PCLO: variants seen among roughly 807,000 people sequenced by gnomAD.
PCLO encodes protein piccolo.
A neutral mutation model predicts 427.5 loss-of-function variants in PCLO; 82 were observed. The ratio of observed to expected loss-of-function variants is 0.19; its 90% CI spans 0.16 to 0.23. The LOEUF (loss-of-function observed/expected upper bound fraction) is 0.23. PCLO is among the 10% of genes least tolerant of loss of function. The pLI, the probability that PCLO is intolerant of heterozygous loss-of-function variation, is 1.00. For missense variants in PCLO, 6,239 were observed against 6,115.9 expected, an observed-to-expected ratio of 1.02 and a Z score of -0.67; for synonymous variants, 2,357 against 2,155.4, an observed-to-expected ratio of 1.09 and a Z score of -2.59.
chr7:83,116,509 T>C (rs564121387), intron 3 of PCLO, among the ~76,000 whole-genome samples: 29 of 152,304 alleles, frequency 1.9e-4, no homozygotes, highest in African/African-American at 5.8e-4. Context: ...TACTGAATTT[T>C]TAAAAATTCA....
intron 3 of PCLO, among the ~76,000 whole-genome samples, chr7:83,121,102 T>C (rs2116561202): frequency 6.6e-6 from 1 of 151,974 alleles, no homozygotes. Context: ...GCTAACAAGG[T>C]GAAACCCATC....
intron 3 of PCLO, among the ~76,000 whole-genome samples, chr7:83,051,560 T>G (rs1789255036): frequency 6.6e-6 from 1 of 152,176 alleles, no homozygotes; most frequent in African/African-American, 2.4e-5. Flanking sequence ...CTTCAAAAGA[T>G]CTGAATAAAT....
chr7:82,844,553 T>G (rs1358842414), intron 13 of PCLO, among the ~76,000 whole-genome samples: 1 of 152,112 alleles, frequency 6.6e-6, no homozygotes, highest in Admixed American at 6.6e-5. Flanking sequence ...TCTCACCACA[T>G]AAAGACAAAC....
At chr7:82,831,976 G>A (rs747100659) in intron 16 of PCLO, among the ~76,000 whole-genome samples, 2 of 152,134 alleles carry the variant, frequency 1.3e-5, no homozygotes, top group Non-Finnish European at 2.9e-5. Flanking sequence ...AGGTAGGCAG[G>A]TAAACAGGGG....
At chr7:83,070,951 T>G (rs1789799868) in intron 3 of PCLO, among the ~76,000 whole-genome samples, 1 of 152,168 alleles carries the variant, frequency 6.6e-6, no homozygotes. Flanking sequence ...ATGACTCCAG[T>G]GGACAAATGT....
chr7:82,895,408 A>AT (rs1417800228), intron 9 of PCLO, among the ~76,000 whole-genome samples: 1 of 151,942 alleles, frequency 6.6e-6, no homozygotes, highest in African/African-American at 2.4e-5. Flanking sequence ...TTTCACCTTA[A>AT]GAATCTAGGA....
rs149879954 is a variant in PCLO, at chr7:82,949,821, G to C, written c.10767C>G (p.Asp3589Glu). The change falls in exon 6 of 25, where the codon GAC (aspartate) becomes GAG (glutamate). Residue 3589 changes from aspartate to glutamate, a missense_variant. Asp to Glu is a conservative substitution (Grantham distance 45). Coordinates refer to ENST00000333891, the MANE Select transcript of PCLO (RefSeq NM_033026.6). ...TCTCTAAAGGTGTTGGGCGTTTCTT[G>C]TCTTTGGGTGGAGATGTGGCACTCA... ...QYLSATSPPK[D>E]KKRPTPLEIG... The C allele has an allele frequency of 3.9e-4, 625 of 1,613,818 alleles. 3 individuals are homozygous for C. In the African/African-American group the frequency reaches 6.6e-3, roughly 17 times the overall value.
intron 3 of PCLO, among the ~76,000 whole-genome samples, chr7:83,028,644 C>T (rs1328111940): frequency 1.3e-5 from 2 of 148,228 alleles, no homozygotes; most frequent in South Asian, 2.2e-4. Context: ...GAGCCCGCAT[C>T]GCCAAGTCAA....
Position 82,970,001 on chromosome 7 carries a change from G to A in PCLO, c.3301-3514C>T, listed in dbSNP as rs977600721. Among the ~76,000 whole-genome samples, 6 of 151,904 alleles carry A rather than the reference G, an allele frequency of 3.9e-5. No individual in the cohort carries two copies. The South Asian group carries it at 6.2e-4, about 16-fold the overall frequency. On this transcript the variant is annotated intron_variant, in intron 3 of 24. Coordinates refer to ENST00000333891, the MANE Select transcript of PCLO (RefSeq NM_033026.6). ...GAAATGAAAATATCTATTCAGATTC[G>A]ATAGCAATCAGTCAAAATGTAAATA...
At chr7:82,830,964 T>C (rs924036472) in intron 16 of PCLO, among the ~76,000 whole-genome samples, 2 of 152,086 alleles carry the variant, frequency 1.3e-5, no homozygotes, top group Admixed American at 1.3e-4. Flanking sequence ...GAATTGTAGA[T>C]GTCTATCAAC....
rs992844653 is a variant in PCLO, at chr7:82,949,741, G to A, written c.10847C>T (p.Pro3616Leu). The change falls in exon 6 of 25, where the codon CCA becomes CTA. Residue 3616 changes from proline (P) to leucine (L), a missense_variant. By Grantham distance (98) the Pro-to-Leu change is moderately conservative. Transcript: ENST00000333891. ...ADSTVQLAPS[P>L]PKSPKVLYSP... ...GTAAAGGACTTTGGGGGATTTGGGT[G>A]GGGAAGGAGCCAGCTGTACTGTGGA... 1 of 1,613,668 alleles carries A rather than the reference G, an allele frequency of 6.2e-7. No homozygotes were observed. Among genetic ancestry groups the A allele is most frequent in the African/African-American group, 1.3e-5 (1 of 74,864 alleles).
chr7:82,758,719 G>GA lies in PCLO; in HGVS notation c.15289-5dup, dbSNP rs779490171. 22 of 1,551,002 alleles carry GA rather than the reference G, an allele frequency of 1.4e-5. No individual in the cohort carries two copies. The highest frequency in any genetic ancestry group is 2.7e-5 in the African/African-American group (2 of 72,810). Reference sequence around the variant, plus strand: ...CTCCATTGGAGAAAAGTAAAATCTAGAAAAAATAGGCAAAAATAAACATAT... The same window carrying GA: ...CTCCATTGGAGAAAAGTAAAATCTAGAAAAAAATAGGCAAAAATAAACATAT... On this transcript the variant is annotated splice_region_variant and splice_polypyrimidine_tract_variant and intron_variant, in intron 24 of 24. Transcript: ENST00000333891.
rs538497634 is a variant in PCLO at position 83,002,575 on chromosome 7, C to A, written c.3301-36088G>T. ...TTAAATGAGAATTCTAAAGAATTTA[C>A]AAAATTCTTTATTATTAACCACTCC... On this transcript the variant is annotated intron_variant, in intron 3 of 24. Transcript: ENST00000333891. 6.2e-4 allele frequency among the ~76,000 whole-genome samples: 94 copies of A among 151,858 alleles called. 1 individual carries two copies. The South Asian group carries it at 9.8e-3, about 16-fold the overall frequency.
At chr7:82,785,858 T>C (rs780753535) in intron 22 of PCLO, among the ~76,000 whole-genome samples, 1 of 151,980 alleles carries the variant, frequency 6.6e-6, no homozygotes, top group Non-Finnish European at 1.5e-5. Context: ...TATAACCAGA[T>C]GTAAATTGGG....
At chr7:83,018,393 T>A (rs1025269912) in intron 3 of PCLO, among the ~76,000 whole-genome samples, 3 of 151,990 alleles carry the variant, frequency 2.0e-5, no homozygotes, top group African/African-American at 7.2e-5. Flanking sequence ...TGTGATACAT[T>A]TCCTGCTTTT....
rs147764582 is a variant in PCLO at position 83,039,048 on chromosome 7, C to A, written c.3301-72561G>T. Among the ~76,000 whole-genome samples the A allele has an allele frequency of 2.2e-4, 34 of 152,004 alleles. No individual in the cohort carries two copies. In the East Asian group the frequency reaches 6.6e-3, roughly 29 times the overall value. ...CTCTGGAGAAATGTCTATTTAGAGC[C>A]TTTGCTCATTTTTGAGTGGGTTGTC... On this transcript the variant is annotated intron_variant, in intron 3 of 24. Coordinates refer to ENST00000333891, the MANE Select transcript of PCLO (RefSeq NM_033026.6).
Position 82,827,879 on chromosome 7 carries a change from C to T in PCLO, c.14337G>A (p.Met4779Ile), listed in dbSNP as rs746355318. Residue 4779 changes from methionine (M) to isoleucine (I), a missense_variant, in exon 17 of 25, where the codon ATG becomes ATA. Met to Ile is a conservative substitution (Grantham distance 10). Around this residue, in one of 5 missense-constraint regions of PCLO, gnomAD observed 877 missense variants for 925.5 expected, o/e 0.95. Transcript: ENST00000333891. Reference sequence around the variant, plus strand: ...AGAAATAATCTTGACATACCTGTTCCATGGAAATACTTTTATAAATTACTG... The same window carrying T: ...AGAAATAATCTTGACATACCTGTTCTATGGAAATACTTTTATAAATTACTG... ...NQTVIYKSIS[M>I]EQLKKKTLEV... The T allele has an allele frequency of 4.0e-5, 61 of 1,535,544 alleles. No individual in the cohort carries two copies. Among genetic ancestry groups the T allele is most frequent in the Admixed American group, 8.5e-5 (5 of 58,932 alleles).
intron 20 of PCLO, chr7:82,820,328 T>C (rs1791762010): frequency 1.1e-5 from 2 of 178,802 alleles, no homozygotes; most frequent in South Asian, 3.9e-4. Flanking sequence ...AAGATGGAAC[T>C]TTGTCCTGCT....
rs190805014 is a variant in PCLO, at chr7:82,993,525, G to A, written c.3301-27038C>T. ...TAATCATTCTAACTTTCTCTTTCAC[G>A]GTAGGAAAAATAGTGGAAATAATTA... On this transcript the variant is annotated intron_variant, in intron 3 of 24. Transcript: ENST00000333891. Among the ~76,000 whole-genome samples the A allele has an allele frequency of 6.2e-3, 935 of 151,844 alleles. 15 individuals are homozygous for A. The highest frequency in any genetic ancestry group is 7.5e-3 in the Non-Finnish European group (510 of 67,898).
Sources: allele counts gnomAD v4.1 joint callset (sites outside exome capture counted in the v4.1 genomes callset), GRCh38; gene constraint gnomAD v4.1.1; regional missense constraint gnomAD v4.1.1; transcripts MANE v1.5; gene names NCBI Gene and HGNC (gene_info 2026-07-23, HGNC 2026-07-21).